The following ZNF365 variants were observed in gnomAD, a reference collection of about 807,000 sequenced individuals.
ZNF365 encodes the protein zinc finger protein 365.
ZNF365 carries 22 observed loss-of-function variants against 35.0 expected under a neutral mutation model. The observed-to-expected ratio is 0.63, with a 90% CI of 0.45 to 0.90. The LOEUF (loss-of-function observed/expected upper bound fraction) is 0.90, where lower values mean the gene tolerates loss of function less well. Among genes scored for constraint, ZNF365 ranks in the 40% least tolerant of loss-of-function variants. ZNF365 has a pLI of 0.00. For synonymous variants in ZNF365, 188 were observed against 196.2 expected (o/e 0.96, Z 0.35); for missense variants, 448 against 500.3 (o/e 0.90, Z 1.00).
At chr10:62,463,972 G>T (rs1840889969) in intron 4 of ZNF365, among the ~76,000 whole-genome samples, 1 of 152,150 alleles carries the variant, frequency 6.6e-6, no homozygotes, top group African/African-American at 2.4e-5. Flanking sequence ...CGGGATGTAG[G>T]TGTAGTCATC....
At chr10:62,445,881 G>A (rs1163276548) in intron 3 of ZNF365, among the ~76,000 whole-genome samples, 1 of 152,030 alleles carries the variant, frequency 6.6e-6, no homozygotes, top group Non-Finnish European at 1.5e-5. Flanking sequence ...TAAACAATTG[G>A]AACGAGGCAG....
chr10:62,442,533 CT>C lies in ZNF365; in HGVS notation c.925-17206del, dbSNP rs1314036937. 3.9e-4 allele frequency among the ~76,000 whole-genome samples: 60 copies of C among 152,262 alleles called. 1 individual carries two copies. The highest frequency in any genetic ancestry group is 1.5e-4 in the Non-Finnish European group (10 of 68,014). On this transcript the variant is annotated intron_variant, in intron 3 of 4. Transcript: ENST00000395255. ...ACAATTGCTGGTGCTGAAACGATGG[CT>C]TCATTTTCTTGCTTGTTACCTTTAG...
At chr10:62,459,820 TG>T in intron 4 of ZNF365, 2 of 1,593,518 alleles carry the variant, frequency 1.3e-6, no homozygotes, top group Non-Finnish European at 1.7e-6. Context: ...CCTGGGTGGG[TG>T]GGTTGGGCCT....
At chr10:62,390,797 G>C (rs1589431551) in intron 3 of ZNF365, among the ~76,000 whole-genome samples, 1 of 152,200 alleles carries the variant, frequency 6.6e-6, no homozygotes, top group Admixed American at 6.5e-5. Flanking sequence ...GCATGTTACT[G>C]TACTGACTAC....
At chr10:62,469,523 T>C (rs948499444) in intron 4 of ZNF365, among the ~76,000 whole-genome samples, 3 of 152,226 alleles carry the variant, frequency 2.0e-5, no homozygotes, top group African/African-American at 7.2e-5. Context: ...GCCTTGAATT[T>C]GATGGAGCTT....
intron 3 of ZNF365, among the ~76,000 whole-genome samples, chr10:62,407,462 G>T (rs191898486): frequency 2.6e-5 from 4 of 152,102 alleles, no homozygotes; most frequent in African/African-American, 4.8e-5. Context: ...TAAAGAATGC[G>T]GTTCCCACAT....
At chr10:62,427,821 G>A (rs1840273339) in intron 3 of ZNF365, among the ~76,000 whole-genome samples, 1 of 152,132 alleles carries the variant, frequency 6.6e-6, no homozygotes, top group African/African-American at 2.4e-5. Context: ...CTGCACTGGG[G>A]ATCTTCTCTG....
At chr10:62,420,856 C>G (rs1740351069) in intron 3 of ZNF365, among the ~76,000 whole-genome samples, 1 of 151,858 alleles carries the variant, frequency 6.6e-6, no homozygotes, top group Admixed American at 6.6e-5. Flanking sequence ...CATGCCAGCT[C>G]ACTGCAACCT....
intron 4 of ZNF365, 114 bp downstream of exon 4, chr10:62,398,891 C>T (rs1839776330): frequency 9.4e-7 from 1 of 1,068,562 alleles, no homozygotes; most frequent in African/African-American, 1.6e-5. Context: ...TTATAAATGG[C>T]TTTGGGAGGC....
chr10:62,419,077 A>G (rs181843047), intron 3 of ZNF365, among the ~76,000 whole-genome samples: 1 of 152,252 alleles, frequency 6.6e-6, no homozygotes, highest in East Asian at 1.9e-4. Context: ...TTCCTCAAAC[A>G]ATGTGGTCAA....
Position 62,401,831 on chromosome 10 carries a change from C to T in ZNF365, c.*2042C>T. On this transcript the variant is annotated 3_prime_UTR_variant, in exon 5 of 5. Transcript: ENST00000395254. ...ATGGCAACTCTCTTTGACAGTGGTACCCCATGATCTTCAGAAAGTACCATA... is the reference window on the plus strand; with the variant it reads ...ATGGCAACTCTCTTTGACAGTGGTATCCCATGATCTTCAGAAAGTACCATA... The T allele has an allele frequency of 1.0e-6, 1 of 985,516 alleles. No homozygotes were observed. The highest frequency in any genetic ancestry group is 1.2e-6 in the Non-Finnish European group (1 of 829,920). The allele number at this position is 985,516 out of a possible 1,614,324, so 61.0% of individuals were successfully genotyped here.
chr10:62,398,897 G>A, intron 4 of ZNF365, 120 bp downstream of exon 4: 1 of 1,046,336 alleles, frequency 9.6e-7, no homozygotes, highest in South Asian at 1.7e-5. Flanking sequence ...ATGGCTTTGG[G>A]AGGCTTAAGT....
chr10:62,445,733 G>A (rs10822006), intron 3 of ZNF365, among the ~76,000 whole-genome samples: 100,273 of 151,980 alleles, frequency 0.66, 33,549 homozygotes, highest in Non-Finnish European at 0.73. Flanking sequence ...GAAAGTTTTC[G>A]CTACAAAAAA....
intron 3 of ZNF365, among the ~76,000 whole-genome samples, chr10:62,430,253 G>GTTTTTT (rs34778344): frequency 9.8e-6 from 1 of 101,916 alleles, no homozygotes; most frequent in Non-Finnish European, 2.0e-5. Context: ...TTTGGAAAAG[G>GTTTTTT]TTTTTTTTTT....
intron 3 of ZNF365, among the ~76,000 whole-genome samples, chr10:62,452,686 C>T (rs1840702323): frequency 6.6e-6 from 1 of 152,258 alleles, no homozygotes; most frequent in Non-Finnish European, 1.5e-5. Flanking sequence ...GGAAAAACTG[C>T]ATGCCTGCAA....
intron 3 of ZNF365, among the ~76,000 whole-genome samples, chr10:62,394,075 G>T (rs933451876): frequency 2.6e-5 from 4 of 152,182 alleles, no homozygotes; most frequent in Admixed American, 1.3e-4. Flanking sequence ...TACAGGTTGA[G>T]TATACTTTAT....
intron 3 of ZNF365, among the ~76,000 whole-genome samples, chr10:62,414,161 C>A (rs1396283258): frequency 6.6e-6 from 1 of 151,898 alleles, no homozygotes; most frequent in Non-Finnish European, 1.5e-5. Context: ...GGCTTCTTAG[C>A]ACAAGTGAAC....
chr10:62,460,998 T>G (rs894457940), intron 4 of ZNF365, among the ~76,000 whole-genome samples: 3 of 152,158 alleles, frequency 2.0e-5, no homozygotes, highest in Non-Finnish European at 4.4e-5. Flanking sequence ...TTCAAACAAT[T>G]CATGCTGTTG....
intron 2 of ZNF365, among the ~76,000 whole-genome samples, chr10:62,386,905 A>G (rs1185584682): frequency 6.6e-6 from 1 of 152,214 alleles, no homozygotes; most frequent in East Asian, 1.9e-4. Flanking sequence ...GATTAACAAA[A>G]ATTAGCATTC....
Sources: gnomAD v4.1 joint callset for allele counts (sites outside exome capture counted in the v4.1 genomes callset) on GRCh38, gnomAD v4.1.1 for gene constraint, MANE v1.5 for transcripts, NCBI Gene and HGNC (gene_info 2026-07-23, HGNC 2026-07-21) for gene names.